Variants in ATP6V0B observed in about 807,000 individuals in gnomAD.
ATP6V0B encodes the protein ATPase H+ transporting V0 subunit b.
A neutral mutation model predicts 26.2 loss-of-function variants in ATP6V0B; 4 were observed. The observed-to-expected ratio is 0.15, with a 90% CI of 0.08 to 0.35. ATP6V0B has a LOEUF of 0.35. Ranked by LOEUF, ATP6V0B falls within the 10% of genes least tolerant of loss-of-function variation. The pLI, the probability that ATP6V0B is intolerant of heterozygous loss-of-function variation, is 1.00. For synonymous variants in ATP6V0B, 110 were observed against 105.8 expected (o/e 1.04, Z -0.24); for missense variants, 175 against 272.5 (o/e 0.64, Z 2.52).
chr1:43,975,646 G>C, intron 1 of ATP6V0B, 154 bp from the exon 2 acceptor site: 1 of 809,478 alleles, frequency 1.2e-6, no homozygotes, highest in Admixed American at 2.1e-5. Context: ...GGCCTAAGCA[G>C]AGGAATCTGT....
In ATP6V0B at chr1:43,976,379, G is replaced by A. The variant is rs1413987282; in HGVS notation, c.278G>A (p.Ser93Asn). 6.2e-6 allele frequency: 10 copies of A among 1,611,366 alleles called. No homozygotes were observed. The highest frequency in any genetic ancestry group is 7.6e-6 in the Non-Finnish European group (9 of 1,178,732). The change falls in exon 4 of 8, where the codon AGC becomes AAC. Residue 93 changes from serine (S) to asparagine (N), a missense_variant and splice_region_variant. Coordinates refer to ENST00000472174, the MANE Select transcript of ATP6V0B (RefSeq NM_004047.5). The surrounding 1 kb of genome is among the most constrained non-coding windows in gnomAD (Gnocchi z 4.6). ...AGGATCAAGACCAAGAACCTGGTCA[G>A]GTAAGTGTCAGGGTCCTTGGACTTT... Reference protein sequence around the residue: ...APRIKTKNLVSIIFCEAVAIY... With the variant: ...APRIKTKNLVNIIFCEAVAIY...
In ATP6V0B at chr1:43,978,172, T is replaced by C; in HGVS notation, c.*165T>C. 1.0e-6 allele frequency: 1 copy of C among 1,003,202 alleles called. No individual in the cohort carries two copies. The highest frequency in any genetic ancestry group is 1.6e-5 in the African/African-American group (1 of 62,754). The allele number at this position is 1,003,202 out of a possible 1,614,324, so 62.1% of individuals were successfully genotyped here. A position where few individuals can be genotyped will look rare whatever the true frequency, so the allele number is the denominator to read the frequency against. On this transcript the variant is annotated 3_prime_UTR_variant, in exon 8 of 8. Coordinates refer to ENST00000472174, the MANE Select transcript of ATP6V0B (RefSeq NM_004047.5). ...TGGAGGCACTGCAGTCCAGGCCGAG[T>C]CCTCAGTGCGGGGAGCAGGCTGCTG...
At chr1:43,977,632 CAGT>C in intron 7 of ATP6V0B, 1 of 1,420,004 alleles carries the variant, frequency 7.0e-7, no homozygotes, top group Admixed American at 3.1e-5. Context: ...ACATGCCTGT[CAGT>C]AGGACACCAT....
At position 43,976,216 on chromosome 1, in the gene ATP6V0B, T is replaced by C. The variant is rs1247336988; in HGVS notation, c.200+43T>C. ...GGGACTGGGGGCAGGGGCTGAGTCA[T>C]GGCAGGTGGTGTCACTGGGGTCTTA... is the stretch of plus-strand genomic sequence containing the variant. On this transcript the variant is annotated intron_variant, in intron 3 of 7. Transcript: ENST00000472174. This position sits in a 1 kb window ranked among gnomAD's most constrained non-coding sequence, Gnocchi z 4.6. 2 of 1,609,814 alleles carry C rather than the reference T, an allele frequency of 1.2e-6. No homozygotes were observed. The highest frequency in any genetic ancestry group is 3.3e-5 in the Admixed American group (2 of 59,986).
chr1:43,976,064 T>G lies in ATP6V0B; in HGVS notation c.117-26T>G. The G allele has an allele frequency of 6.2e-7, 1 of 1,609,426 alleles. No homozygotes were observed. The highest frequency in any genetic ancestry group is 8.5e-7 in the Non-Finnish European group (1 of 1,175,742). On this transcript the variant is annotated intron_variant, in intron 2 of 7. Coordinates refer to ENST00000472174, the MANE Select transcript of ATP6V0B (RefSeq NM_004047.5). The surrounding 1 kb of genome is among the most constrained non-coding windows in gnomAD (Gnocchi z 4.6). ...CTCCGCTTCCCTGCTAGAGCTGAAC[T>G]GCTTTCTTCTCTGCTTCCACAACAG...
chr1:43,977,556 G>C, intron 7 of ATP6V0B: 1 of 1,423,622 alleles, frequency 7.0e-7, no homozygotes, highest in Non-Finnish European at 9.1e-7. Flanking sequence ...ATGGAATTTT[G>C]TCTGTCTATA....
chr1:43,977,269 C>T (rs748899437), intron 7 of ATP6V0B, 53 bp downstream of exon 7: 3 of 1,614,122 alleles, frequency 1.9e-6, no homozygotes, highest in Non-Finnish European at 1.7e-6. Flanking sequence ...CCTAGCCTTA[C>T]CCTCCTTCTG....
In ATP6V0B at chr1:43,976,419, G is replaced by T. The variant is rs776603858; in HGVS notation, c.278+40G>T. 20 of 1,579,858 alleles carry T rather than the reference G, an allele frequency of 1.3e-5. No homozygotes were observed. In the South Asian group the frequency reaches 2.2e-4, roughly 18 times the overall value. ...CCTTGGACTTTTGTCAGAACCAGCTGTGTTGGCGCTGCCTGTGTGTTTGAT... is the reference window on the plus strand; with the variant it reads ...CCTTGGACTTTTGTCAGAACCAGCTTTGTTGGCGCTGCCTGTGTGTTTGAT... On this transcript the variant is annotated intron_variant, in intron 4 of 7. Coordinates refer to ENST00000472174, the MANE Select transcript of ATP6V0B (RefSeq NM_004047.5). This position sits in a 1 kb window ranked among gnomAD's most constrained non-coding sequence, Gnocchi z 4.6.
intron 7 of ATP6V0B, 100 bp downstream of exon 7, chr1:43,977,316 A>T: frequency 6.2e-7 from 1 of 1,604,170 alleles, no homozygotes; most frequent in Non-Finnish European, 8.5e-7. Context: ...ACCTATAACT[A>T]TAGATTCCCC....
chr1:43,977,607 G>A, intron 7 of ATP6V0B: 2 of 1,420,288 alleles, frequency 1.4e-6, no homozygotes, highest in Non-Finnish European at 1.8e-6. Context: ...TCGGAGCTAT[G>A]TGTATCTCCC....
intron 7 of ATP6V0B, chr1:43,977,528 T>C: frequency 7.0e-7 from 1 of 1,428,972 alleles, no homozygotes; most frequent in Admixed American, 3.1e-5. Context: ...CCAGTCTGTA[T>C]TTGTGATCTA....
In ATP6V0B at chr1:43,977,972, T is replaced by G; in HGVS notation, c.592-9T>G. Reference sequence around the variant, plus strand: ...TCCCTGCCTGATTTCTCCTGTTCTTTTTTTGCAGACCTCCAGAGTGAAGAT... The same window carrying G: ...TCCCTGCCTGATTTCTCCTGTTCTTGTTTTGCAGACCTCCAGAGTGAAGAT... On this transcript the variant is annotated splice_polypyrimidine_tract_variant and intron_variant, in intron 7 of 7. Transcript: ENST00000472174. 1 of 1,614,224 alleles carries G rather than the reference T, an allele frequency of 6.2e-7. No individual in the cohort carries two copies. The highest frequency in any genetic ancestry group is 8.5e-7 in the Non-Finnish European group (1 of 1,180,034).
chr1:43,978,108 A>C lies in ATP6V0B; in HGVS notation c.*101A>C. On this transcript the variant is annotated 3_prime_UTR_variant, in exon 8 of 8. Coordinates refer to ENST00000472174, the MANE Select transcript of ATP6V0B (RefSeq NM_004047.5). Reference sequence around the variant, plus strand: ...TTAGCCTTTCAGAGGCTTGGTGTTCAGGGCCCTCCCTGCACTCCCCTCTTG... The same window carrying C: ...TTAGCCTTTCAGAGGCTTGGTGTTCCGGGCCCTCCCTGCACTCCCCTCTTG... The C allele has an allele frequency of 6.5e-7, 1 of 1,545,188 alleles. No individual in the cohort carries two copies. Among genetic ancestry groups the C allele is most frequent in the Non-Finnish European group, 8.9e-7 (1 of 1,119,284 alleles).
chr1:43,976,501 T>C lies in ATP6V0B; in HGVS notation c.279-89T>C, dbSNP rs1306292650. ...GGGATGGGATGTTATAGGGGAAAGA[T>C]TGCTGGGGACTTACTGGGCAGGAAG... On this transcript the variant is annotated intron_variant, in intron 4 of 7. Transcript: ENST00000472174. This position sits in a 1 kb window ranked among gnomAD's most constrained non-coding sequence, Gnocchi z 4.6. 3 of 1,561,134 alleles carry C rather than the reference T, an allele frequency of 1.9e-6. No homozygotes were observed. Among genetic ancestry groups the C allele is most frequent in the African/African-American group, 2.7e-5 (2 of 73,766 alleles).
chr1:43,976,561 T>C lies in ATP6V0B; in HGVS notation c.279-29T>C. The C allele has an allele frequency of 6.2e-7, 1 of 1,612,088 alleles. No individual in the cohort carries two copies. Among genetic ancestry groups the C allele is most frequent in the Non-Finnish European group, 8.5e-7 (1 of 1,178,220 alleles). On this transcript the variant is annotated intron_variant, in intron 4 of 7. Transcript: ENST00000472174. The surrounding 1 kb of genome is among the most constrained non-coding windows in gnomAD (Gnocchi z 4.6). ...TTTCTCATTTCTTTCTCCTTTCCAC[T>C]CCTTACCCCTAATCTCTACCACTAC...
Position 43,976,271 on chromosome 1 carries a change from T to C in ATP6V0B, c.201-31T>C. The stretch of plus-strand genomic sequence containing the variant: ...TGCTGAGGGCAGTGACAGCTTGGGC[T>C]CTGCTCATCAGTTTTTTATCCTTCC... On this transcript the variant is annotated intron_variant, in intron 3 of 7. Transcript: ENST00000472174. This position sits in a 1 kb window ranked among gnomAD's most constrained non-coding sequence, Gnocchi z 4.6. 6.2e-7 allele frequency: 1 copy of C among 1,611,976 alleles called. No homozygotes were observed.
rs1013386153 is a variant in ATP6V0B, at chr1:43,975,868, G to A, written c.116+20G>A. The A allele has an allele frequency of 8.9e-6, 14 of 1,581,064 alleles. No homozygotes were observed. The highest frequency in any genetic ancestry group is 1.4e-5 in the African/African-American group (1 of 73,728). Reference sequence around the variant, plus strand: ...GGCATGGTAAGGGAGGGCAGGGGGAGGATTCCCCTTGAAGCTTCTTCCCTG... The same window carrying A: ...GGCATGGTAAGGGAGGGCAGGGGGAAGATTCCCCTTGAAGCTTCTTCCCTG... On this transcript the variant is annotated intron_variant, in intron 2 of 7. Coordinates refer to ENST00000472174, the MANE Select transcript of ATP6V0B (RefSeq NM_004047.5).
rs1296280026 is a variant in ATP6V0B at position 43,978,087 on chromosome 1, C to T, written c.*80C>T. On this transcript the variant is annotated 3_prime_UTR_variant, in exon 8 of 8. Coordinates refer to ENST00000472174, the MANE Select transcript of ATP6V0B (RefSeq NM_004047.5). ...GGACAGCTGGAGCTGTGTCCCTTAG[C>T]CTTTCAGAGGCTTGGTGTTCAGGGC... 1.3e-6 allele frequency: 2 copies of T among 1,598,624 alleles called. No individual in the cohort carries two copies. Among genetic ancestry groups the T allele is most frequent in the Middle Eastern group, 1.7e-4 (1 of 6,050 alleles).
At chr1:43,975,399 C>T (rs999194156) in intron 1 of ATP6V0B, 1 of 555,264 alleles carries the variant, frequency 1.8e-6, no homozygotes, top group Non-Finnish European at 3.2e-6. Context: ...CTTTCTTGCT[C>T]CTGACCGGCC....
Sources: gnomAD v4.1 joint callset for allele counts on GRCh38, gnomAD v4.1.1 for gene constraint, Gnocchi (gnomAD v3.1) non-coding constraint, MANE v1.5 for transcripts, NCBI Gene and HGNC (gene_info 2026-07-23, HGNC 2026-07-21) for gene names.